The following CBX1 variants were observed in gnomAD, a reference collection of about 807,000 sequenced individuals.
CBX1 encodes chromobox protein homolog 1.
CBX1 carries 10 observed loss-of-function variants against 25.1 expected under a neutral mutation model. The ratio of observed to expected loss-of-function variants is 0.40; its 90% CI spans 0.25 to 0.68. The LOEUF (loss-of-function observed/expected upper bound fraction) is 0.68. Among genes scored for constraint, CBX1 ranks in the 30% least tolerant of loss-of-function variants. The probability of loss-of-function intolerance (pLI) is 0.40; values close to 1 mark genes in which losing one functional copy is unlikely to be tolerated. For synonymous variants in CBX1, 63 were observed against 79.4 expected, an observed-to-expected ratio of 0.79 and a Z score of 1.10; for missense variants, 106 against 218.5, an observed-to-expected ratio of 0.49 and a Z score of 3.25.
chr17:48,089,218 A>G (rs372839829), intron 1 of CBX1, among the ~76,000 whole-genome samples: 2 of 149,758 alleles, frequency 1.3e-5, no homozygotes, highest in African/African-American at 2.5e-5. Context: ...CTCCTGCCTC[A>G]GCCTCCCCAG....
chr17:48,073,595 G>A (rs2037646206), intron 4 of CBX1, among the ~76,000 whole-genome samples: 1 of 152,170 alleles, frequency 6.6e-6, no homozygotes, highest in African/African-American at 2.4e-5. Context: ...GGGAGGCTGA[G>A]GTGGGTGGAT....
At chr17:48,092,600 C>A (rs1221680693) in intron 1 of CBX1, among the ~76,000 whole-genome samples, 1 of 151,490 alleles carries the variant, frequency 6.6e-6, no homozygotes, top group Non-Finnish European at 1.5e-5. Context: ...ATTACAGGTG[C>A]CCGCCGCTGC....
At chr17:48,096,039 C>G (rs1392388773) in intron 1 of CBX1, among the ~76,000 whole-genome samples, 1 of 152,210 alleles carries the variant, frequency 6.6e-6, no homozygotes, top group Non-Finnish European at 1.5e-5. Flanking sequence ...CACCACCACG[C>G]CCAGCTAATT....
chr17:48,072,718 G>C (rs1428711788), intron 4 of CBX1, among the ~76,000 whole-genome samples: 7 of 152,012 alleles, frequency 4.6e-5, no homozygotes, highest in African/African-American at 1.2e-4. Flanking sequence ...GGGAGGCAGA[G>C]CTTGCAGTGA....
intron 1 of CBX1, chr17:48,088,703 TGTGTGTC>T (rs2063326590): frequency 6.6e-6 from 1 of 152,150 alleles, no homozygotes; most frequent in African/African-American, 2.4e-5. Context: ...TTCATGAATT[TGTGTGTC>T]GTCTTTGCAT....
intron 4 of CBX1, among the ~76,000 whole-genome samples, chr17:48,073,630 C>T (rs961894939): frequency 6.6e-5 from 10 of 151,922 alleles, no homozygotes; most frequent in Non-Finnish European, 2.9e-5. Flanking sequence ...AGTTTGAGAC[C>T]AGCCTGGCCA....
chr17:48,097,445 A>G (rs796117835), intron 1 of CBX1, among the ~76,000 whole-genome samples: 2 of 151,876 alleles, frequency 1.3e-5, no homozygotes, highest in African/African-American at 4.8e-5. Flanking sequence ...CAAGACCCCC[A>G]TCTCTACTAA....
At chr17:48,077,445 G>GTTTTTTTTTTTTTTTTTT (rs796350669) in intron 1 of CBX1, among the ~76,000 whole-genome samples, 1 of 52,418 alleles carries the variant, frequency 1.9e-5, no homozygotes, top group African/African-American at 4.8e-5. Context: ...TTTTTTTTTT[G>GTTTTTTTTTTTTTTTTTT]TTTTTTTTGT....
Position 48,070,806 on chromosome 17 carries a change from C to T in CBX1, c.*629G>A, listed in dbSNP as rs903571168. ...GCTTATAGGTTTCAGACTTTCACAGCTTTTAAACAGTCTCTCACAGTCCTT... is the reference window on the plus strand; with the variant it reads ...GCTTATAGGTTTCAGACTTTCACAGTTTTTAAACAGTCTCTCACAGTCCTT... On this transcript the variant is annotated 3_prime_UTR_variant, in exon 5 of 5. Coordinates refer to ENST00000225603, the MANE Select transcript of CBX1 (RefSeq NM_001127228.2). 4 of 152,656 alleles carry T rather than the reference C, an allele frequency of 2.6e-5. No homozygotes were observed. Among genetic ancestry groups the T allele is most frequent in the African/African-American group, 9.6e-5 (4 of 41,452 alleles). 9.5% of individuals were successfully genotyped at this position (152,656 alleles called of 1,614,324 possible). A position where few individuals can be genotyped will look rare whatever the true frequency, so the allele number is the denominator to read the frequency against.
chr17:48,096,204 C>A (rs139446733), intron 1 of CBX1: 23 of 247,014 alleles, frequency 9.3e-5, no homozygotes, highest in Middle Eastern at 2.1e-3. Context: ...AAAGGAACAC[C>A]AGCCCTTGAA....
chr17:48,082,067 G>A (rs554376129), intron 1 of CBX1, among the ~76,000 whole-genome samples: 7 of 152,152 alleles, frequency 4.6e-5, no homozygotes, highest in African/African-American at 9.6e-5. Context: ...CCTGGGCAAC[G>A]TAGTGAGACC....
At chr17:48,090,183 C>T (rs575259871) in intron 1 of CBX1, among the ~76,000 whole-genome samples, 2 of 151,944 alleles carry the variant, frequency 1.3e-5, no homozygotes, top group African/African-American at 2.4e-5. Context: ...ATTACAGGCA[C>T]GAGTCACTGC....
intron 1 of CBX1, chr17:48,088,576 G>C (rs1489215964): frequency 1.3e-5 from 2 of 151,772 alleles, no homozygotes; most frequent in Non-Finnish European, 2.9e-5. Flanking sequence ...CCAAGATCAC[G>C]CCACTGCACT....
intron 4 of CBX1, among the ~76,000 whole-genome samples, chr17:48,073,984 C>G (rs2037651666): frequency 6.6e-6 from 1 of 152,120 alleles, no homozygotes; most frequent in Admixed American, 6.5e-5. Context: ...ACCCAATAAG[C>G]AGCATCTTAA....
At chr17:48,089,540 G>A (rs866041128) in intron 1 of CBX1, among the ~76,000 whole-genome samples, 2 of 150,538 alleles carry the variant, frequency 1.3e-5, no homozygotes, top group Non-Finnish European at 3.0e-5. Context: ...ATCAGTTCTC[G>A]GGGCCCAGCA....
At chr17:48,089,446 T>C (rs943570777) in intron 1 of CBX1, among the ~76,000 whole-genome samples, 13 of 150,564 alleles carry the variant, frequency 8.6e-5, no homozygotes, top group African/African-American at 1.7e-4. Flanking sequence ...TTGATGAACA[T>C]TCTTGGATAA....
intron 1 of CBX1, among the ~76,000 whole-genome samples, chr17:48,099,906 CGACGCGGGAGGAT>C (rs1246106533): frequency 6.6e-6 from 1 of 151,956 alleles, no homozygotes; most frequent in Non-Finnish European, 1.5e-5. Flanking sequence ...TTTGGGAGGC[CGACGCGGGAGGAT>C]CACGAGGTCA....
At chr17:48,075,950 T>A in intron 3 of CBX1, 51 bp downstream of exon 3, 2 of 1,397,708 alleles carry the variant, frequency 1.4e-6, no homozygotes. Context: ...AAAACTACTT[T>A]GACAGTAGTT....
chr17:48,071,422 G>C lies in CBX1; in HGVS notation c.*13C>G. The C allele has an allele frequency of 1.3e-6, 2 of 1,599,604 alleles. No individual in the cohort carries two copies. Among genetic ancestry groups the C allele is most frequent in the Non-Finnish European group, 1.7e-6 (2 of 1,173,786 alleles). ...CCACAGTCAGATGTGACAGGGGCTGGTACTCAGGAGCGTTAGTTCTTGTCA... is the reference window on the plus strand; with the variant it reads ...CCACAGTCAGATGTGACAGGGGCTGCTACTCAGGAGCGTTAGTTCTTGTCA... On this transcript the variant is annotated 3_prime_UTR_variant, in exon 5 of 5. Coordinates refer to ENST00000225603, the MANE Select transcript of CBX1 (RefSeq NM_001127228.2).
Sources: gnomAD v4.1 joint callset for allele counts (sites outside exome capture counted in the v4.1 genomes callset) on GRCh38, gnomAD v4.1.1 for gene constraint, MANE v1.5 for transcripts, NCBI Gene and HGNC (gene_info 2026-07-23, HGNC 2026-07-21) for gene names.